Variants in SHISA6 observed in about 807,000 individuals in gnomAD.
SHISA6 encodes shisa family member 6.
SHISA6 carries 22 observed loss-of-function variants against 47.9 expected under a neutral mutation model. The observed-to-expected ratio is 0.46, with a 90% CI of 0.33 to 0.66. The LOEUF (loss-of-function observed/expected upper bound fraction) is 0.66. Ranked by LOEUF, SHISA6 falls within the 30% of genes least tolerant of loss-of-function variation. SHISA6 has a pLI of 0.02. For missense variants in SHISA6, 680 were observed against 764.6 expected (o/e 0.89, Z 1.30); for synonymous variants, 388 against 337.8 (o/e 1.15, Z -1.63).
chr17:11,484,385 G>T (rs1306209593), intron 3 of SHISA6, among the ~76,000 whole-genome samples: 1 of 152,110 alleles, frequency 6.6e-6, no homozygotes, highest in South Asian at 2.1e-4. Context: ...AAACCACAGT[G>T]GATATAAAAA....
intron 5 of SHISA6, among the ~76,000 whole-genome samples, chr17:11,556,796 C>T (rs904683350): frequency 1.3e-5 from 2 of 152,138 alleles, no homozygotes; most frequent in African/African-American, 4.8e-5. Flanking sequence ...GAAGAGCAGA[C>T]AGAATTCCCA....
intron 3 of SHISA6, among the ~76,000 whole-genome samples, chr17:11,544,417 A>G (rs368693241): frequency 3.3e-5 from 5 of 152,328 alleles, no homozygotes; most frequent in African/African-American, 9.6e-5. Context: ...ATTATACTGA[A>G]GATATATAGA....
intron 3 of SHISA6, among the ~76,000 whole-genome samples, chr17:11,411,907 T>C (rs988702347): frequency 6.6e-6 from 1 of 152,234 alleles, no homozygotes; most frequent in Non-Finnish European, 1.5e-5. Context: ...GCCTCTTCCT[T>C]TTATTTTCCT....
chr17:11,352,252 GGA>G (rs1481904129), intron 2 of SHISA6, among the ~76,000 whole-genome samples: 1 of 151,962 alleles, frequency 6.6e-6, no homozygotes, highest in Non-Finnish European at 1.5e-5. Context: ...GAGATCTTCT[GGA>G]AAGGCAAGCA....
intron 2 of SHISA6, among the ~76,000 whole-genome samples, chr17:11,311,661 T>A (rs1910345655): frequency 6.6e-6 from 1 of 152,248 alleles, no homozygotes. Flanking sequence ...ACACCCATTT[T>A]ATTGGCATTT....
At position 11,541,691 on chromosome 17, in the gene SHISA6, A is replaced by G. The variant is rs77585791; in HGVS notation, c.896-10205A>G. Among the ~76,000 whole-genome samples, 660 of 152,288 alleles carry G rather than the reference A, an allele frequency of 4.3e-3. 3 individuals carry two copies. Among genetic ancestry groups the G allele is most frequent in the African/African-American group, 0.015 (625 of 41,570 alleles). On this transcript the variant is annotated intron_variant, in intron 3 of 5. Coordinates refer to ENST00000441885, the MANE Select transcript of SHISA6 (RefSeq NM_207386.4). ...ATTCTCCCAGGATACAAAATGTTCA[A>G]CCTAAAATGTATTTGGAATTTTACT...
intron 3 of SHISA6, among the ~76,000 whole-genome samples, chr17:11,490,695 C>T (rs116161152): frequency 0.013 from 1,972 of 152,286 alleles, 33 homozygotes; most frequent in African/African-American, 0.045. Context: ...GGTGGTCAGA[C>T]CTGAGCCAGA....
At chr17:11,507,104 C>A (rs532527053) in intron 3 of SHISA6, among the ~76,000 whole-genome samples, 4 of 152,284 alleles carry the variant, frequency 2.6e-5, no homozygotes, top group African/African-American at 9.6e-5. Context: ...GTTTCCTAAT[C>A]TACAAAATGA....
chr17:11,449,687 G>C (rs147688661), intron 3 of SHISA6, among the ~76,000 whole-genome samples: 1 of 152,160 alleles, frequency 6.6e-6, no homozygotes, highest in South Asian at 2.1e-4. Flanking sequence ...TTAACAAAAA[G>C]ATACATTCAT....
chr17:11,323,364 T>C (rs1464151973), intron 2 of SHISA6, among the ~76,000 whole-genome samples: 1 of 152,008 alleles, frequency 6.6e-6, no homozygotes, highest in Non-Finnish European at 1.5e-5. Flanking sequence ...CATATAATAA[T>C]AACACATGAG....
intron 3 of SHISA6, among the ~76,000 whole-genome samples, chr17:11,468,248 C>T (rs1468826909): frequency 6.6e-6 from 1 of 152,006 alleles, no homozygotes; most frequent in Admixed American, 6.5e-5. Flanking sequence ...CCCATATGAG[C>T]TTTATTGATT....
chr17:11,290,508 A>T, intron 2 of SHISA6: 1 of 151,266 alleles, frequency 6.6e-6, no homozygotes, highest in African/African-American at 2.4e-5. Flanking sequence ...CCGCCACCAC[A>T]CCTGGCTAAG....
intron 1 of SHISA6, among the ~76,000 whole-genome samples, chr17:11,250,754 C>T (rs1907770367): frequency 6.6e-6 from 1 of 152,130 alleles, no homozygotes; most frequent in African/African-American, 2.4e-5. Flanking sequence ...TCCCTCTTAA[C>T]TCTGCTCACG....
chr17:11,545,705 T>G (rs554839239), intron 3 of SHISA6, among the ~76,000 whole-genome samples: 7 of 152,330 alleles, frequency 4.6e-5, no homozygotes, highest in African/African-American at 1.7e-4. Flanking sequence ...TTGTTTCAGG[T>G]AGGACAGCTA....
In SHISA6 at chr17:11,558,502, A is replaced by G. The variant is rs1231087961; in HGVS notation, c.*198A>G. The stretch of plus-strand genomic sequence containing the variant: ...GGCCTGGTCCAATACACTTAGACCC[A>G]GGACCAAGAGCAATCGCTCTTGCTC... On this transcript the variant is annotated 3_prime_UTR_variant, in exon 6 of 6. Coordinates refer to ENST00000441885, the MANE Select transcript of SHISA6 (RefSeq NM_207386.4). The G allele has an allele frequency of 1.8e-5, 11 of 616,020 alleles. No homozygotes were observed. The highest frequency in any genetic ancestry group is 2.8e-5 in the Non-Finnish European group (10 of 353,060). The allele number at this position is 616,020 out of a possible 1,614,324, so 38.2% of individuals were successfully genotyped here.
intron 2 of SHISA6, among the ~76,000 whole-genome samples, chr17:11,309,795 G>T (rs1425241442): frequency 1.3e-5 from 2 of 152,206 alleles, no homozygotes; most frequent in African/African-American, 4.8e-5. Flanking sequence ...GGTTCTTCCT[G>T]TACAGAGAGA....
chr17:11,297,960 T>G (rs1300922801), intron 2 of SHISA6, among the ~76,000 whole-genome samples: 1 of 152,202 alleles, frequency 6.6e-6, no homozygotes, highest in Non-Finnish European at 1.5e-5. Flanking sequence ...TTCTGTTTTC[T>G]GAATGATACT....
At chr17:11,451,688 G>T (rs577548741) in intron 3 of SHISA6, among the ~76,000 whole-genome samples, 2 of 152,142 alleles carry the variant, frequency 1.3e-5, no homozygotes, top group African/African-American at 4.8e-5. Flanking sequence ...GGTATGCTCC[G>T]TGTTGGCTCA....
chr17:11,380,235 ATCAAATGTGAAT>A (rs1306679758), intron 3 of SHISA6: 1 of 152,190 alleles, frequency 6.6e-6, no homozygotes, highest in Non-Finnish European at 1.5e-5. Context: ...GCTGTTATAG[ATCAAATGTGAAT>A]TCTGTTGTAG....
Sources: gnomAD v4.1 joint callset for allele counts (sites outside exome capture counted in the v4.1 genomes callset) on GRCh38, gnomAD v4.1.1 for gene constraint, MANE v1.5 for transcripts, NCBI Gene and HGNC (gene_info 2026-07-23, HGNC 2026-07-21) for gene names.